Variants in DHRS4L2 observed in about 807,000 individuals in gnomAD.
The protein encoded by DHRS4L2 is dehydrogenase/reductase 4 like 2.
DHRS4L2 carries 22 observed loss-of-function variants against 23.9 expected under a neutral mutation model. That is an observed-to-expected ratio of 0.92 (90% CI 0.66 to 1.31). The LOEUF (loss-of-function observed/expected upper bound fraction) is 1.31. DHRS4L2 is among the 40% of genes most tolerant of loss of function. The probability of loss-of-function intolerance (pLI) is 0.00; values close to 1 mark genes in which losing one functional copy is unlikely to be tolerated. For missense variants in DHRS4L2, 385 were observed against 303.3 expected, an observed-to-expected ratio of 1.27 and a Z score of -2.00; for synonymous variants, 141 against 123.7, an observed-to-expected ratio of 1.14 and a Z score of -0.93.
At chr14:24,000,596 A>C (rs1319083989) in intron 3 of DHRS4L2, among the ~76,000 whole-genome samples, 1 of 151,804 alleles carries the variant, frequency 6.6e-6, no homozygotes, top group Non-Finnish European at 1.5e-5. Flanking sequence ...TTCTGGCCCA[A>C]ATCATACTTG....
In DHRS4L2 at chr14:23,988,992, G is replaced by T. The variant is rs147724387; in HGVS notation, c.45G>T (p.Lys15Asn). The T allele has an allele frequency of 2.3e-5, 37 of 1,611,154 alleles. No homozygotes were observed. The highest frequency in any genetic ancestry group is 2.9e-5 in the Non-Finnish European group (34 of 1,178,572). The change falls in exon 1 of 8, where the codon AAG (lysine) becomes AAT (asparagine). Residue 15 changes from lysine to asparagine, a missense_variant. By Grantham distance (94) the Lys-to-Asn change is moderately conservative. Coordinates refer to ENST00000335125, the MANE Select transcript of DHRS4L2 (RefSeq NM_198083.4). ...RLLGLCAWAR[K>N]SVRMASSRMT... is the part of the protein sequence containing the mutation. ...TAGGCCTCTGTGCCTGGGCACGGAA[G>T]TCGGTGCGGATGGCCAGCTCCAGGA...
chr14:23,974,945 A>G (rs1481779823), intron 1 of DHRS4L2, among the ~76,000 whole-genome samples: 1 of 151,798 alleles, frequency 6.6e-6, no homozygotes, highest in East Asian at 1.9e-4. Flanking sequence ...AGACACAACA[A>G]AACAAAGAAA....
At chr14:23,997,658 T>C (rs2034407033) in intron 3 of DHRS4L2, among the ~76,000 whole-genome samples, 1 of 147,116 alleles carries the variant, frequency 6.8e-6, no homozygotes. Context: ...TCCTCAGCCA[T>C]CTACATTTTA....
At chr14:23,995,524 G>C (rs1273010680) in intron 3 of DHRS4L2, among the ~76,000 whole-genome samples, 1 of 151,742 alleles carries the variant, frequency 6.6e-6, no homozygotes, top group Non-Finnish European at 1.5e-5. Context: ...TTTTTTATTA[G>C]TTGGGAAATA....
chr14:23,971,451 G>A (rs1353067989), intron 1 of DHRS4L2, among the ~76,000 whole-genome samples: 1 of 151,814 alleles, frequency 6.6e-6, no homozygotes, highest in Non-Finnish European at 1.5e-5. Context: ...CAAGATTAGA[G>A]ACAAAAAAAT....
intron 6 of DHRS4L2, 32 bp downstream of exon 6, chr14:24,001,549 A>G (rs747272132): frequency 4.4e-6 from 7 of 1,595,896 alleles, no homozygotes; most frequent in East Asian, 2.3e-5. Flanking sequence ...TTTGACTGGG[A>G]CCCCTTGAAA....
chr14:23,982,118 C>A (rs1014362018), intron 1 of DHRS4L2, among the ~76,000 whole-genome samples: 1 of 151,658 alleles, frequency 6.6e-6, no homozygotes, highest in East Asian at 1.9e-4. Flanking sequence ...TCCCACGTGG[C>A]CATATTTCAG....
rs1159255374 is a variant in DHRS4L2 at position 24,000,851 on chromosome 14, T to C, written c.409-12T>C. 12 of 1,605,810 alleles carry C rather than the reference T, an allele frequency of 7.5e-6. No individual in the cohort carries two copies. In the Admixed American group the frequency reaches 1.8e-4, roughly 25 times the overall value. The stretch of plus-strand genomic sequence containing the variant: ...TCACTCATGCTGTTTCCCCTTCTTC[T>C]CTTGGCTTCAGACTCTGGACATTAA... On this transcript the variant is annotated splice_polypyrimidine_tract_variant and intron_variant, in intron 3 of 7. Transcript: ENST00000335125.
At chr14:23,976,987 G>A (rs1032284632) in intron 1 of DHRS4L2, among the ~76,000 whole-genome samples, 1 of 151,714 alleles carries the variant, frequency 6.6e-6, no homozygotes, top group Non-Finnish European at 1.5e-5. Context: ...ATAGCATTAG[G>A]AGAAATACCT....
intron 1 of DHRS4L2, among the ~76,000 whole-genome samples, chr14:23,972,517 G>A (rs1465191624): frequency 3.3e-5 from 5 of 151,952 alleles, no homozygotes; most frequent in South Asian, 2.1e-4. Context: ...TGCAAAGAGT[G>A]AAAGAACAAA....
rs748465808 is a variant in DHRS4L2, at chr14:23,990,176, T to C, written c.129-6T>C. 19 of 1,612,676 alleles carry C rather than the reference T, an allele frequency of 1.2e-5. 1 individual carries two copies. The highest frequency in any genetic ancestry group is 1.6e-5 in the Non-Finnish European group (19 of 1,179,282). On this transcript the variant is annotated splice_region_variant and splice_polypyrimidine_tract_variant and intron_variant, in intron 1 of 7. Transcript: ENST00000335125. ...CTTAGCAGTCTTTGTCTCTTTCTGCTCACAGGATCGGCTTCGCCATCGCCC... is the reference window on the plus strand; with the variant it reads ...CTTAGCAGTCTTTGTCTCTTTCTGCCCACAGGATCGGCTTCGCCATCGCCC...
chr14:23,987,475 T>C (rs144251237), upstream of DHRS4L2, among the ~76,000 whole-genome samples: 394 of 151,664 alleles, frequency 2.6e-3, 10 homozygotes, highest in African/African-American at 9.2e-3. Flanking sequence ...GCACATATAC[T>C]AAATGAATCT....
At chr14:24,004,747 A>C in intron 7 of DHRS4L2, 1 of 340,698 alleles carries the variant, frequency 2.9e-6, no homozygotes, top group East Asian at 6.7e-5. Flanking sequence ...ACATGTTTAC[A>C]AAACTCAGGT....
chr14:23,991,067 C>G (rs566016654), intron 2 of DHRS4L2: 3 of 200,424 alleles, frequency 1.5e-5, no homozygotes, highest in South Asian at 1.8e-4. Context: ...AGCTCCTCTT[C>G]CCTTGAGGCT....
intron 2 of DHRS4L2, among the ~76,000 whole-genome samples, chr14:23,991,737 CTTT>C (rs56024121): frequency 0.023 from 3,282 of 139,822 alleles, 93 homozygotes; most frequent in Middle Eastern, 0.061. Context: ...GCCTCCATAT[CTTT>C]TTTTTTTTTT....
At chr14:23,978,013 G>A (rs2033999614) in intron 1 of DHRS4L2, among the ~76,000 whole-genome samples, 1 of 151,594 alleles carries the variant, frequency 6.6e-6, no homozygotes, top group Non-Finnish European at 1.5e-5. Flanking sequence ...AATGCTGACT[G>A]CATTCCTTTG....
chr14:23,971,277 A>T lies in DHRS4L2; in HGVS notation c.-176+945A>T, dbSNP rs560100851. On this transcript the variant is annotated intron_variant, in intron 1 of 5. Transcript: ENST00000534993. ...CAAAAAAAGGTTAAACGAATGGCTA[A>T]CTAGAATGAAGAATGTAGAGAAGAG... 4.0e-4 allele frequency among the ~76,000 whole-genome samples: 61 copies of T among 152,220 alleles called. 1 individual carries two copies. Among genetic ancestry groups the T allele is most frequent in the Non-Finnish European group, 2.9e-5 (2 of 67,998 alleles).
intron 3 of DHRS4L2, among the ~76,000 whole-genome samples, chr14:23,995,610 A>G (rs2034365352): frequency 2.6e-5 from 4 of 151,830 alleles, no homozygotes; most frequent in Admixed American, 2.6e-4. Flanking sequence ...ACATCCTTTA[A>G]AAAAATAAAA....
chr14:23,981,844 C>A (rs2034058516), intron 1 of DHRS4L2, among the ~76,000 whole-genome samples: 2 of 151,774 alleles, frequency 1.3e-5, no homozygotes, highest in Admixed American at 1.3e-4. Flanking sequence ...TTCTCTCCAC[C>A]CAAACATCTC....
Sources: gnomAD v4.1 joint callset for allele counts (sites outside exome capture counted in the v4.1 genomes callset) on GRCh38, gnomAD v4.1.1 for gene constraint, MANE v1.5 for transcripts, NCBI Gene and HGNC (gene_info 2026-07-23, HGNC 2026-07-21) for gene names.